Variants in HACD3 observed in about 807,000 individuals in gnomAD.
The protein encoded by HACD3 is 3-hydroxyacyl-CoA dehydratase 3.
In HACD3, 30 loss-of-function variants were observed where a neutral mutation model predicts 55.2. The ratio of observed to expected loss-of-function variants is 0.54; its 90% CI spans 0.41 to 0.74. HACD3 has a LOEUF of 0.74. Among genes scored for constraint, HACD3 ranks in the 30% least tolerant of loss-of-function variants. The probability of loss-of-function intolerance (pLI) is 0.00; values close to 1 mark genes in which losing one functional copy is unlikely to be tolerated. For synonymous variants in HACD3, 141 were observed against 151.7 expected (o/e 0.93, Z 0.52); for missense variants, 363 against 440.1 (o/e 0.82, Z 1.57).
intron 1 of HACD3, among the ~76,000 whole-genome samples, chr15:65,546,618 A>G (rs935958443): frequency 2.6e-5 from 4 of 152,130 alleles, no homozygotes; most frequent in Admixed American, 2.0e-4. Flanking sequence ...TACTTGAGAC[A>G]GGGTCTTGCT....
Position 65,533,756 on chromosome 15 carries a change from AAAG to A in HACD3, c.87+3041_87+3043del, listed in dbSNP as rs1172168819. On this transcript the variant is annotated intron_variant, in intron 1 of 10. Coordinates refer to ENST00000261875, the MANE Select transcript of HACD3 (RefSeq NM_016395.4). ...CAGATTTGTTATTTAAAAAAAAAAA[AAAG>A]AAAGAAAAGCAGCCGGGTGTGGTGG... Among the ~76,000 whole-genome samples, 14 of 150,764 alleles carry A rather than the reference AAAG, an allele frequency of 9.3e-5. No homozygotes were observed. The East Asian group carries it at 1.4e-3, about 15-fold the overall frequency.
Position 65,537,462 on chromosome 15 carries a change from C to T in HACD3, c.87+6744C>T, listed in dbSNP as rs186665648. Among the ~76,000 whole-genome samples, 503 of 151,960 alleles carry T rather than the reference C, an allele frequency of 3.3e-3. 4 individuals are homozygous for T. The highest frequency in any genetic ancestry group is 0.018 in the Admixed American group (274 of 15,238). The stretch of plus-strand genomic sequence containing the variant: ...TGGCTTGAAGTTGAAGCCAGTGCCC[C>T]TTTACCATTCTGAAAATCCTAGGGC... On this transcript the variant is annotated intron_variant, in intron 1 of 10. Coordinates refer to ENST00000261875, the MANE Select transcript of HACD3 (RefSeq NM_016395.4).
intron 1 of HACD3, among the ~76,000 whole-genome samples, chr15:65,542,626 A>G (rs1310743806): frequency 6.6e-6 from 1 of 152,206 alleles, no homozygotes; most frequent in African/African-American, 2.4e-5. Context: ...CAGAGAATAG[A>G]TAAACCAGAA....
chr15:65,575,194 T>TG (rs1419682643), intron 10 of HACD3, among the ~76,000 whole-genome samples: 3 of 151,554 alleles, frequency 2.0e-5, no homozygotes, highest in African/African-American at 7.3e-5. Context: ...TTTAGTTTTT[T>TG]TTTTTTTTTT....
intron 3 of HACD3, among the ~76,000 whole-genome samples, chr15:65,556,331 A>T (rs114597995): frequency 0.048 from 7,355 of 152,242 alleles, 612 homozygotes; most frequent in African/African-American, 0.17. Context: ...ATCAGGCATT[A>T]TAGTCTCATA....
At chr15:65,574,150 TC>T (rs1354382417) in intron 10 of HACD3, 1 of 152,180 alleles carries the variant, frequency 6.6e-6, no homozygotes, top group Non-Finnish European at 1.5e-5. Flanking sequence ...CTCACATAGT[TC>T]CTGAAGGTCA....
At chr15:65,541,969 G>A (rs143999536) in intron 1 of HACD3, among the ~76,000 whole-genome samples, 98 of 152,164 alleles carry the variant, frequency 6.4e-4, no homozygotes, top group African/African-American at 2.1e-3. Context: ...GGTGGCTCAC[G>A]CCTGTAATCC....
Position 65,530,631 on chromosome 15 carries a change from C to T in HACD3, c.-1C>T, listed in dbSNP as rs936197425. On this transcript the variant is annotated 5_prime_UTR_variant, in exon 1 of 11. Coordinates refer to ENST00000261875, the MANE Select transcript of HACD3 (RefSeq NM_016395.4). ...CTCCCCGCGCCCTGGGCAGTGTGGCCATGGAGAATCAGGTGTTGACGCCGC... is the reference window on the plus strand; with the variant it reads ...CTCCCCGCGCCCTGGGCAGTGTGGCTATGGAGAATCAGGTGTTGACGCCGC... 6.3e-7 allele frequency: 1 copy of T among 1,575,466 alleles called. No individual in the cohort carries two copies. The highest frequency in any genetic ancestry group is 1.4e-5 in the African/African-American group (1 of 73,774).
At chr15:65,532,700 T>A (rs924289132) in intron 1 of HACD3, among the ~76,000 whole-genome samples, 1 of 151,980 alleles carries the variant, frequency 6.6e-6, no homozygotes, top group African/African-American at 2.4e-5. Context: ...TTCCCCCTTA[T>A]TGAGTTTTTG....
rs113981618 is a variant in HACD3, at chr15:65,539,301, A to G, written c.87+8583A>G. ...AATGGCTCAATCTTGGCTCACTGCAATCTCCGCCTCCTGGGCTCAAGTGAT... is the reference window on the plus strand; with the variant it reads ...AATGGCTCAATCTTGGCTCACTGCAGTCTCCGCCTCCTGGGCTCAAGTGAT... On this transcript the variant is annotated intron_variant, in intron 1 of 10. Transcript: ENST00000261875. Among the ~76,000 whole-genome samples the G allele has an allele frequency of 3.5e-3, 485 of 137,694 alleles. 1 individual carries two copies. Among genetic ancestry groups the G allele is most frequent in the African/African-American group, 0.012 (433 of 36,094 alleles). 90.3% of individuals were successfully genotyped at this position (137,694 alleles called of 152,430 possible).
intron 1 of HACD3, among the ~76,000 whole-genome samples, chr15:65,542,809 C>T (rs1159673810): frequency 1.3e-5 from 2 of 152,026 alleles, no homozygotes; most frequent in East Asian, 1.9e-4. Context: ...GGCTTGGTGG[C>T]TCATGCCTGT....
intron 2 of HACD3, among the ~76,000 whole-genome samples, chr15:65,553,482 C>T (rs528447129): frequency 3.1e-4 from 47 of 152,270 alleles, no homozygotes; most frequent in Non-Finnish European, 5.4e-4. Context: ...ATTCTCTCTG[C>T]TCTCTGTTCC....
chr15:65,572,637 A>T lies in HACD3; in HGVS notation c.1012+271A>T, dbSNP rs112618292. ...TTCTTGTTTAAAACAATGTAAGGGG[A>T]CAGGCATGGTGGCTCACGCTTGTAA... On this transcript the variant is annotated intron_variant, in intron 10 of 10. Coordinates refer to ENST00000261875, the MANE Select transcript of HACD3 (RefSeq NM_016395.4). Among the ~76,000 whole-genome samples, 9,523 of 152,162 alleles carry T rather than the reference A, an allele frequency of 0.063. 310 individuals are homozygous for T. The highest frequency in any genetic ancestry group is 0.09 in the African/African-American group (3,753 of 41,518).
chr15:65,555,010 C>A, intron 3 of HACD3, 50 bp downstream of exon 3: 1 of 1,404,430 alleles, frequency 7.1e-7, no homozygotes, highest in Non-Finnish European at 1.0e-6. Context: ...AAATGAATAC[C>A]AGTAGTTTAG....
At chr15:65,564,706 G>A (rs549573015) in intron 7 of HACD3, 1 of 172,528 alleles carries the variant, frequency 5.8e-6, no homozygotes, top group Non-Finnish European at 1.2e-5. Flanking sequence ...CACAACACGT[G>A]GGAATCCTGG....
chr15:65,553,652 A>G (rs1339847275), intron 2 of HACD3, among the ~76,000 whole-genome samples: 1 of 152,258 alleles, frequency 6.6e-6, no homozygotes, highest in East Asian at 1.9e-4. Context: ...ATATACATTT[A>G]CATGAAAATT....
At chr15:65,564,119 T>C in intron 6 of HACD3, 96 bp from the exon 7 acceptor site, 2 of 1,424,390 alleles carry the variant, frequency 1.4e-6, no homozygotes. Flanking sequence ...ATTCCTTTCT[T>C]ACAGTTATTT....
intron 1 of HACD3, among the ~76,000 whole-genome samples, chr15:65,538,961 A>G (rs2071991277): frequency 6.6e-6 from 1 of 152,220 alleles, no homozygotes; most frequent in South Asian, 2.1e-4. Flanking sequence ...TTTTTAGAAT[A>G]ATACTGCATA....
chr15:65,537,949 AAAAAAAAAAATATATATATATATATAT>A (rs1414744210), intron 1 of HACD3, among the ~76,000 whole-genome samples: 9,616 of 57,004 alleles, frequency 0.17, 1,049 homozygotes, highest in East Asian at 0.56. Flanking sequence ...AAAAAAAAAA[AAAAAAAAAAATATATATATATATATAT>A]ATATATATAT....
Sources: allele counts gnomAD v4.1 joint callset (sites outside exome capture counted in the v4.1 genomes callset), GRCh38; gene constraint gnomAD v4.1.1; transcripts MANE v1.5; gene names NCBI Gene and HGNC (gene_info 2026-07-23, HGNC 2026-07-21).